Variants in CELF4 observed in about 807,000 individuals in gnomAD.
The protein encoded by CELF4 is CUGBP Elav-like family member 4, also known as CUG-BP- and ETR-3-like factor 4.
CELF4 carries 18 observed loss-of-function variants against 59.9 expected under a neutral mutation model. That is an observed-to-expected ratio of 0.30 (90% CI 0.21 to 0.45). CELF4 has a LOEUF of 0.45. CELF4 is among the 20% of genes least tolerant of loss of function. The pLI, the probability that CELF4 is intolerant of heterozygous loss-of-function variation, is 1.00. For synonymous variants in CELF4, 261 were observed against 267.1 expected (o/e 0.98, Z 0.22); for missense variants, 456 against 689.0 (o/e 0.66, Z 3.79).
chr18:37,461,492 T>G lies in CELF4; in HGVS notation c.369+24033A>C, dbSNP rs536016273. On this transcript the variant is annotated intron_variant, in intron 2 of 12. Transcript: ENST00000420428. ...CTCATTCACTATCACAAGAACAGCATGAGGGGAACCGCCCCCATGATTAAA... is the reference window on the plus strand; with the variant it reads ...CTCATTCACTATCACAAGAACAGCAGGAGGGGAACCGCCCCCATGATTAAA... Among the ~76,000 whole-genome samples the G allele has an allele frequency of 8.7e-4, 133 of 152,282 alleles. 1 individual carries two copies. Among genetic ancestry groups the G allele is most frequent in the African/African-American group, 2.7e-3 (114 of 41,568 alleles).
chr18:37,406,816 G>A (rs2099392337), intron 2 of CELF4, among the ~76,000 whole-genome samples: 1 of 152,082 alleles, frequency 6.6e-6, no homozygotes, highest in South Asian at 2.1e-4. Context: ...TAGAGGAATT[G>A]GACCTTTGGA....
intron 2 of CELF4, among the ~76,000 whole-genome samples, chr18:37,457,616 A>G (rs1250660400): frequency 6.6e-6 from 1 of 152,184 alleles, no homozygotes; most frequent in Non-Finnish European, 1.5e-5. Flanking sequence ...TGCTATTGAC[A>G]GGGTCTGGGA....
intron 2 of CELF4, among the ~76,000 whole-genome samples, chr18:37,476,951 A>G (rs2099851411): frequency 6.6e-6 from 1 of 152,234 alleles, no homozygotes; most frequent in East Asian, 1.9e-4. Flanking sequence ...ATCCATGACC[A>G]GAGAGCGAAG....
intron 3 of CELF4, among the ~76,000 whole-genome samples, chr18:37,304,651 TC>T (rs1325925864): frequency 2.6e-5 from 4 of 152,182 alleles, no homozygotes; most frequent in African/African-American, 9.7e-5. Flanking sequence ...TTCTGCTGGG[TC>T]CCCCAGCTCA....
chr18:37,342,409 C>T (rs1262484611), intron 2 of CELF4, among the ~76,000 whole-genome samples: 1 of 152,126 alleles, frequency 6.6e-6, no homozygotes, highest in Non-Finnish European at 1.5e-5. Flanking sequence ...GAGCCGGGCT[C>T]AGAAAAAGTG....
At chr18:37,267,089 T>G (rs1787633) in intron 8 of CELF4, among the ~76,000 whole-genome samples, 5 of 152,118 alleles carry the variant, frequency 3.3e-5, no homozygotes, top group African/African-American at 1.2e-4. Flanking sequence ...CACAGAGGGA[T>G]GCGCCCTCAC....
chr18:37,380,792 A>AATCCATCCATCCATCCATCC (rs56181705), intron 2 of CELF4, among the ~76,000 whole-genome samples: 4,436 of 134,816 alleles, frequency 0.033, 150 homozygotes, highest in East Asian at 0.056. Context: ...TTTCTCCATG[A>AATCCATCCATCCATCCATCC]ATCCATCCAT....
intron 1 of CELF4, among the ~76,000 whole-genome samples, chr18:37,488,236 C>A (rs988611240): frequency 6.6e-6 from 1 of 152,158 alleles, no homozygotes; most frequent in African/African-American, 2.4e-5. Context: ...GACCCTGACC[C>A]CTTTTCCTGT....
At position 37,565,790 on chromosome 18, in the gene CELF4, T is replaced by C. The variant is rs2099988021; in HGVS notation, c.-149A>G. 2 of 553,654 alleles carry C rather than the reference T, an allele frequency of 3.6e-6. No homozygotes were observed. Among genetic ancestry groups the C allele is most frequent in the African/African-American group, 1.9e-5 (1 of 51,656 alleles). 34.3% of individuals were successfully genotyped at this position (553,654 alleles called of 1,614,324 possible). A position where few individuals can be genotyped will look rare whatever the true frequency, so the allele number is the denominator to read the frequency against. On this transcript the variant is annotated 5_prime_UTR_variant, in exon 1 of 13. Transcript: ENST00000420428. ...TACACCTCGCTCTCCGCTCGCTCTC[T>C]GCTCTCTCTCTTTCTCCTCTTCTCT...
rs2061234167 is a variant in CELF4, at chr18:37,244,134, C to T, written c.*1108G>A. ...TCTGGGATTTTAGCAGTAATGCTAA[C>T]TTCTATAGGTTTTTTTTTTCCTTTT... On this transcript the variant is annotated 3_prime_UTR_variant, in exon 13 of 13. Transcript: ENST00000420428. 6.6e-6 allele frequency: 1 copy of T among 152,478 alleles called. No individual in the cohort carries two copies. 9.4% of individuals were successfully genotyped at this position (152,478 alleles called of 1,614,324 possible).
chr18:37,340,888 C>A (rs2097991440), intron 2 of CELF4, among the ~76,000 whole-genome samples: 1 of 152,212 alleles, frequency 6.6e-6, no homozygotes, highest in Admixed American at 6.5e-5. Context: ...ACGCATGAGT[C>A]AGCTGTTTTC....
At chr18:37,459,101 G>C (rs900906937) in intron 2 of CELF4, among the ~76,000 whole-genome samples, 1 of 152,136 alleles carries the variant, frequency 6.6e-6, no homozygotes, top group Non-Finnish European at 1.5e-5. Context: ...CAGAGCCCTG[G>C]GACACTTTCT....
chr18:37,438,688 T>C (rs2099701470), intron 2 of CELF4, among the ~76,000 whole-genome samples: 1 of 152,176 alleles, frequency 6.6e-6, no homozygotes, highest in Non-Finnish European at 1.5e-5. Context: ...ATCGTGTGGC[T>C]GTGGTTTCTT....
intron 2 of CELF4, among the ~76,000 whole-genome samples, chr18:37,416,441 C>T (rs1158517198): frequency 6.6e-6 from 1 of 152,224 alleles, no homozygotes; most frequent in African/African-American, 2.4e-5. Flanking sequence ...AGCTTGACTG[C>T]ATATGGTTTT....
intron 2 of CELF4, among the ~76,000 whole-genome samples, chr18:37,383,201 A>ACAGGC (rs2099061852): frequency 6.6e-6 from 1 of 152,192 alleles, no homozygotes; most frequent in Non-Finnish European, 1.5e-5. Context: ...ATTTAATCAT[A>ACAGGC]CAGGCCAGGA....
chr18:37,438,037 G>C lies in CELF4; in HGVS notation c.369+47488C>G, dbSNP rs1040122401. Among the ~76,000 whole-genome samples the C allele has an allele frequency of 2.0e-5, 3 of 152,160 alleles. No homozygotes were observed. In the East Asian group the frequency reaches 5.8e-4, roughly 29 times the overall value. On this transcript the variant is annotated intron_variant, in intron 2 of 12. Transcript: ENST00000420428. ...ACATGAAAGGACATAGCAAGAAGGC[G>C]GCTGTCTGCAAGCCCAGAAAAGAGC...
At chr18:37,369,965 C>T (rs2098839310) in intron 2 of CELF4, among the ~76,000 whole-genome samples, 1 of 152,206 alleles carries the variant, frequency 6.6e-6, no homozygotes, top group African/African-American at 2.4e-5. Flanking sequence ...AGCCGAAACG[C>T]CCCTCTTCAC....
intron 11 of CELF4, chr18:37,258,957 G>A: frequency 1.7e-6 from 1 of 603,104 alleles, no homozygotes; most frequent in South Asian, 2.2e-5. Flanking sequence ...GAAGCAAAAG[G>A]AGTAGTGGGA....
Position 37,254,057 on chromosome 18 carries a change from C to G in CELF4, c.1334-119G>C, listed in dbSNP as rs2067393135. 5.5e-6 allele frequency: 4 copies of G among 727,316 alleles called. No homozygotes were observed. 45.1% of individuals were successfully genotyped at this position (727,316 alleles called of 1,614,324 possible). On this transcript the variant is annotated intron_variant, in intron 11 of 12. Transcript: ENST00000420428. This position sits in a 1 kb window ranked among gnomAD's most constrained non-coding sequence, Gnocchi z 5.1. ...GGCCTGAGGCTCTCCCCCTCGGGCC[C>G]CGCCCCCGGCCCCGCCCCGGTGCCC... is the stretch of plus-strand genomic sequence containing the variant.
Sources: gnomAD v4.1 joint callset for allele counts (sites outside exome capture counted in the v4.1 genomes callset) on GRCh38, gnomAD v4.1.1 for gene constraint, Gnocchi (gnomAD v3.1) non-coding constraint, MANE v1.5 for transcripts, NCBI Gene and HGNC (gene_info 2026-07-23, HGNC 2026-07-21) for gene names.